Variants in FBXL5 observed in about 807,000 individuals in gnomAD.
FBXL5 encodes F-box and leucine rich repeat protein 5.
FBXL5 carries 26 observed loss-of-function variants against 78.3 expected under a neutral mutation model. The ratio of observed to expected loss-of-function variants is 0.33; its 90% CI spans 0.24 to 0.46. The LOEUF is 0.46. FBXL5 is among the 20% of genes least tolerant of loss of function. The probability of loss-of-function intolerance (pLI) is 1.00; values close to 1 mark genes in which losing one functional copy is unlikely to be tolerated. For synonymous variants in FBXL5, 295 were observed against 282.5 expected (o/e 1.04, Z -0.45); for missense variants, 710 against 829.2 (o/e 0.86, Z 1.77).
chr4:15,605,618 C>CAAA lies in FBXL5; in HGVS notation c.*104_*105insTTT, dbSNP rs1721831097. On this transcript the variant is annotated 3_prime_UTR_variant, in exon 11 of 11. Transcript: ENST00000341285. ...TGTAAGAAATGGGGCCAAAACAAGT[C>CAAA]ACGCTCAAAAAGGGATGGTTAACAC... 1.1e-6 allele frequency: 1 copy of CAAA among 880,990 alleles called. No homozygotes were observed. The highest frequency in any genetic ancestry group is 1.6e-5 in the African/African-American group (1 of 60,654). The allele number at this position is 880,990 out of a possible 1,614,324, so 54.6% of individuals were successfully genotyped here.
At chr4:15,610,804 A>G (rs1426422758) in intron 10 of FBXL5, among the ~76,000 whole-genome samples, 1 of 152,104 alleles carries the variant, frequency 6.6e-6, no homozygotes, top group South Asian at 2.1e-4. Flanking sequence ...AATCAATATG[A>G]AAAATTCAAA....
At chr4:15,633,887 C>A (rs1442227942) in intron 5 of FBXL5, among the ~76,000 whole-genome samples, 1 of 152,170 alleles carries the variant, frequency 6.6e-6, no homozygotes, top group Non-Finnish European at 1.5e-5. Flanking sequence ...CAGGCGTGAG[C>A]CACCGTGCCT....
chr4:15,608,728 A>G (rs1560207006), intron 10 of FBXL5, among the ~76,000 whole-genome samples: 1 of 152,104 alleles, frequency 6.6e-6, no homozygotes, highest in African/African-American at 2.4e-5. Context: ...AGAAGGCTAT[A>G]TGAACTTAAT....
At chr4:15,672,407 T>G (rs1229886894) in intron 1 of FBXL5, among the ~76,000 whole-genome samples, 2 of 152,358 alleles carry the variant, frequency 1.3e-5, no homozygotes, top group Non-Finnish European at 2.9e-5. Flanking sequence ...CATAGAGTAC[T>G]TACACAAACC....
intron 6 of FBXL5, among the ~76,000 whole-genome samples, chr4:15,629,231 T>C (rs934311648): frequency 6.6e-6 from 1 of 152,106 alleles, no homozygotes; most frequent in East Asian, 1.9e-4. Context: ...ATGAAGGAAA[T>C]TGAGTCTTTC....
At chr4:15,641,690 G>A (rs575138204) in intron 2 of FBXL5, 134 of 445,980 alleles carry the variant, frequency 3.0e-4, no homozygotes, top group Non-Finnish European at 5.1e-4. Context: ...ACAGGGTGTT[G>A]GCAACCCTAA....
intron 1 of FBXL5, among the ~76,000 whole-genome samples, chr4:15,676,561 T>G (rs1349186556): frequency 6.6e-6 from 1 of 152,204 alleles, no homozygotes. Flanking sequence ...AAACATTTTT[T>G]GGCAATAATT....
intron 3 of FBXL5, among the ~76,000 whole-genome samples, 163 bp downstream of exon 3, chr4:15,640,625 G>T (rs998076896): frequency 6.9e-6 from 1 of 144,980 alleles, no homozygotes; most frequent in Non-Finnish European, 1.5e-5. Flanking sequence ...CAAAACAAAC[G>T]TTTTTTTTTT....
chr4:15,654,880 C>T (rs1185179498), intron 1 of FBXL5, among the ~76,000 whole-genome samples: 1 of 152,090 alleles, frequency 6.6e-6, no homozygotes, highest in Non-Finnish European at 1.5e-5. Flanking sequence ...GAGGCAGCAG[C>T]GGGAGTCCCA....
chr4:15,665,396 G>A (rs1717498548), intron 1 of FBXL5, among the ~76,000 whole-genome samples: 1 of 151,938 alleles, frequency 6.6e-6, no homozygotes, highest in African/African-American at 2.4e-5. Context: ...TCCAACAACG[G>A]CTTATTATTA....
chr4:15,636,481 C>T lies in FBXL5; in HGVS notation c.766+13G>A. On this transcript the variant is annotated intron_variant, in intron 5 of 10. Coordinates refer to ENST00000341285, the MANE Select transcript of FBXL5 (RefSeq NM_012161.4). ...AAAATACATGAAAATATTTTAAAAA[C>T]CCATTTACCTACCTCTGGCCCAATG... The T allele has an allele frequency of 2.0e-6, 3 of 1,513,252 alleles. No homozygotes were observed. Among genetic ancestry groups the T allele is most frequent in the Non-Finnish European group, 2.7e-6 (3 of 1,123,854 alleles). 93.7% of individuals were successfully genotyped at this position (1,513,252 alleles called of 1,614,324 possible). A position where few individuals can be genotyped will look rare whatever the true frequency, so the allele number is the denominator to read the frequency against.
chr4:15,668,964 A>G (rs952731270), intron 1 of FBXL5, among the ~76,000 whole-genome samples: 27 of 152,344 alleles, frequency 1.8e-4, no homozygotes, highest in African/African-American at 2.2e-4. Context: ...AATAGTTACT[A>G]TAAGTCTGTA....
At chr4:15,628,398 C>CTAAA (rs1713281166) in intron 6 of FBXL5, among the ~76,000 whole-genome samples, 1 of 152,014 alleles carries the variant, frequency 6.6e-6, no homozygotes, top group Non-Finnish European at 1.5e-5. Context: ...TTCTAAGAAG[C>CTAAA]TAAAAATGAG....
intron 7 of FBXL5, among the ~76,000 whole-genome samples, chr4:15,627,385 G>T (rs1314917345): frequency 6.6e-6 from 1 of 151,904 alleles, no homozygotes; most frequent in South Asian, 2.1e-4. Context: ...CACCCACCTC[G>T]GTCTCCCAAA....
intron 9 of FBXL5, among the ~76,000 whole-genome samples, chr4:15,614,099 G>C (rs572026634): frequency 6.6e-6 from 1 of 152,308 alleles, no homozygotes; most frequent in Admixed American, 6.5e-5. Context: ...CTCAAGGGCT[G>C]TTATTCAGAT....
At chr4:15,639,311 T>A (rs1452952684) in intron 3 of FBXL5, among the ~76,000 whole-genome samples, 1 of 152,240 alleles carries the variant, frequency 6.6e-6, no homozygotes, top group African/African-American at 2.4e-5. Context: ...GATGTTTAGG[T>A]CAGTTAACTG....
At chr4:15,666,306 G>A (rs1304776002) in intron 1 of FBXL5, among the ~76,000 whole-genome samples, 2 of 151,866 alleles carry the variant, frequency 1.3e-5, no homozygotes, top group East Asian at 3.9e-4. Flanking sequence ...GGCTGAGGTG[G>A]GAAGATTGCT....
chr4:15,680,600 C>CA (rs999378562), intron 1 of FBXL5, among the ~76,000 whole-genome samples: 18 of 152,124 alleles, frequency 1.2e-4, no homozygotes, highest in South Asian at 6.2e-4. Context: ...TCGCTTGAAC[C>CA]AGGAGGCTGA....
chr4:15,655,420 G>A (rs959607970), upstream of FBXL5: 9 of 1,000,264 alleles, frequency 9.0e-6, no homozygotes, highest in Middle Eastern at 5.1e-4. Context: ...GGTCGGCTTG[G>A]CCGGCGGGGA....
Sources: gnomAD v4.1 joint callset for allele counts (sites outside exome capture counted in the v4.1 genomes callset) on GRCh38, gnomAD v4.1.1 for gene constraint, MANE v1.5 for transcripts, NCBI Gene and HGNC (gene_info 2026-07-23, HGNC 2026-07-21) for gene names.